The following RBFOX2 variants were observed in gnomAD, a reference collection of about 807,000 sequenced individuals.
RBFOX2 encodes the protein RNA binding protein fox-1 homolog 2.
A neutral mutation model predicts 49.1 loss-of-function variants in RBFOX2; 10 were observed. That is an observed-to-expected ratio of 0.20 (90% CI 0.13 to 0.35). The LOEUF (loss-of-function observed/expected upper bound fraction) is 0.35, where lower values mean the gene tolerates loss of function less well. Among genes scored for constraint, RBFOX2 ranks in the 10% least tolerant of loss-of-function variants. The pLI is 1.00. For missense variants in RBFOX2, 323 were observed against 486.9 expected, an observed-to-expected ratio of 0.66 and a Z score of 3.17; for synonymous variants, 183 against 187.4, an observed-to-expected ratio of 0.98 and a Z score of 0.19.
intron 1 of RBFOX2, among the ~76,000 whole-genome samples, chr22:35,956,866 C>T (rs536733285): frequency 6.6e-6 from 1 of 152,238 alleles, no homozygotes; most frequent in African/African-American, 2.4e-5. Flanking sequence ...AGATTCATAA[C>T]CGAGGATGGA....
intron 1 of RBFOX2, among the ~76,000 whole-genome samples, chr22:35,947,653 C>CA (rs1229834499): frequency 5.3e-4 from 3 of 5,714 alleles, no homozygotes; most frequent in East Asian, 6.2e-3. Flanking sequence ...TAGCTTTCAA[C>CA]AAAAAAAAGT....
At chr22:35,754,486 A>C (rs1177298205) in intron 9 of RBFOX2, among the ~76,000 whole-genome samples, 4 of 152,270 alleles carry the variant, frequency 2.6e-5, no homozygotes, top group African/African-American at 9.6e-5. Context: ...ACTTGATTTA[A>C]GAAATAACTC....
chr22:35,818,976 T>A (rs1327989591), intron 1 of RBFOX2, among the ~76,000 whole-genome samples: 1 of 152,130 alleles, frequency 6.6e-6, no homozygotes, highest in Non-Finnish European at 1.5e-5. Context: ...AGAGAAAAAT[T>A]TTCCCTATCC....
rs995337924 is a variant in RBFOX2, at chr22:36,025,994, G to A, written c.186+2246C>T. 3.3e-5 allele frequency among the ~76,000 whole-genome samples: 5 copies of A among 152,302 alleles called. 1 individual carries two copies. Among genetic ancestry groups the A allele is most frequent in the African/African-American group, 1.2e-4 (5 of 41,572 alleles). ...GGGAATGTATAGAAGGCCGGGTGTG[G>A]TGGCTCACACCTGTAATCCCAACAT... On this transcript the variant is annotated intron_variant, in intron 1 of 13. Coordinates refer to the RBFOX2 transcript ENST00000438146.
At chr22:35,898,419 CTTTTTTTTT>C in intron 1 of RBFOX2, 5 of 277,850 alleles carry the variant, frequency 1.8e-5, no homozygotes, top group East Asian at 9.0e-5. Context: ...TCCCACAATC[CTTTTTTTTT>C]TTTTTTTTTT....
chr22:35,897,758 A>G, intron 1 of RBFOX2: 1 of 771,644 alleles, frequency 1.3e-6, no homozygotes, highest in Non-Finnish European at 2.4e-6. Flanking sequence ...TTTGCAAAAT[A>G]ATTAAGGAAT....
intron 1 of RBFOX2, among the ~76,000 whole-genome samples, chr22:35,857,465 C>T (rs184628498): frequency 3.3e-5 from 5 of 152,308 alleles, no homozygotes; most frequent in African/African-American, 1.2e-4. Context: ...GGTTCTAATT[C>T]TAGCTAACTA....
chr22:35,814,585 C>T (rs1952584869), intron 1 of RBFOX2, among the ~76,000 whole-genome samples: 1 of 150,918 alleles, frequency 6.6e-6, no homozygotes, highest in Non-Finnish European at 1.5e-5. Context: ...GTAGCATGTG[C>T]CTGTAGTCCC....
chr22:35,896,981 A>T (rs112760432), intron 1 of RBFOX2, among the ~76,000 whole-genome samples: 11,840 of 152,308 alleles, frequency 0.078, 485 homozygotes, highest in South Asian at 0.089. Flanking sequence ...CTCTCTAGTT[A>T]CATGGCTCAT....
chr22:35,746,782 C>T, intron 9 of RBFOX2: 1 of 386,224 alleles, frequency 2.6e-6, no homozygotes. Context: ...ATTTGCTTTC[C>T]AATTTGTGAT....
intron 2 of RBFOX2, among the ~76,000 whole-genome samples, chr22:35,806,012 A>C (rs1352674159): frequency 1.3e-5 from 2 of 152,222 alleles, no homozygotes; most frequent in African/African-American, 4.8e-5. Context: ...CAGACCACAG[A>C]GGATTTTTAG....
Position 36,020,204 on chromosome 22 carries a change from G to A in RBFOX2, c.186+8036C>T, listed in dbSNP as rs2059189874. 2.0e-5 allele frequency among the ~76,000 whole-genome samples: 3 copies of A among 152,172 alleles called. No homozygotes were observed. In the South Asian group the frequency reaches 6.2e-4, roughly 31 times the overall value. On this transcript the variant is annotated intron_variant, in intron 1 of 13. Transcript: ENST00000438146. ...AAAACTGGCTAGCCATATGCAGAAA[G>A]CTGAAACTGGATCCCTTCCTTACAC...
At chr22:35,778,633 T>C (rs1029424021) in intron 3 of RBFOX2, among the ~76,000 whole-genome samples, 1 of 151,688 alleles carries the variant, frequency 6.6e-6, no homozygotes, top group African/African-American at 2.4e-5. Flanking sequence ...ATGCATTCTA[T>C]AATTTGCTTT....
chr22:35,840,191 C>A lies in RBFOX2; in HGVS notation c.27+1G>T. The A allele has an allele frequency of 6.2e-7, 1 of 1,614,010 alleles. No homozygotes were observed. Among genetic ancestry groups the A allele is most frequent in the South Asian group, 1.1e-5 (1 of 91,072 alleles). ...ACATGCCGAGGAAGCACAAATCTTA[C>A]CTGAGTTACCATTTTCTTTTTCTCC... On this transcript the variant is annotated splice_donor_variant, in intron 1 of 11. Coordinates refer to ENST00000405409, the Ensembl canonical transcript of RBFOX2. LOFTEE classifies it high-confidence loss of function.
intron 1 of RBFOX2, chr22:35,897,328 G>A (rs2047975910): frequency 1.6e-5 from 23 of 1,441,290 alleles, no homozygotes; most frequent in South Asian, 2.3e-5. Flanking sequence ...CAGTAAGTGT[G>A]ATGAAGCCGC....
At chr22:35,919,623 TGATGGC>T (rs1409910988) in intron 1 of RBFOX2, among the ~76,000 whole-genome samples, 5 of 152,136 alleles carry the variant, frequency 3.3e-5, no homozygotes, top group Non-Finnish European at 5.9e-5. Context: ...GTGGTGATGG[TGATGGC>T]TGAATGATTG....
chr22:35,865,109 T>C (rs891272594), intron 1 of RBFOX2, among the ~76,000 whole-genome samples: 2 of 152,178 alleles, frequency 1.3e-5, no homozygotes, highest in Non-Finnish European at 2.9e-5. Flanking sequence ...TTTGGAAAAA[T>C]AACTGTATGA....
intron 2 of RBFOX2, among the ~76,000 whole-genome samples, chr22:35,807,841 T>C (rs1178342225): frequency 6.6e-6 from 1 of 151,862 alleles, no homozygotes; most frequent in Non-Finnish European, 1.5e-5. Context: ...TTAGCTAGAC[T>C]GACCAATAAA....
chr22:35,899,147 C>CATAACATAAT (rs1369735146), intron 1 of RBFOX2, among the ~76,000 whole-genome samples: 2 of 151,204 alleles, frequency 1.3e-5, no homozygotes, highest in Non-Finnish European at 2.9e-5. Flanking sequence ...CATAACATAA[C>CATAACATAAT]ATAACATAAC....
Sources: gnomAD v4.1 joint callset for allele counts (sites outside exome capture counted in the v4.1 genomes callset) on GRCh38, gnomAD v4.1.1 for gene constraint, MANE v1.5 for transcripts, NCBI Gene and HGNC (gene_info 2026-07-23, HGNC 2026-07-21) for gene names.